Variants in KIF13B observed in about 807,000 individuals in gnomAD.
KIF13B encodes kinesin-like protein KIF13B.
Under a neutral mutation model 222.0 loss-of-function variants are expected in KIF13B, and 127 were observed. The observed-to-expected ratio is 0.57, with a 90% confidence interval of 0.50 to 0.66. KIF13B has a LOEUF of 0.66. Ranked by LOEUF, KIF13B falls within the 30% of genes least tolerant of loss-of-function variation. The pLI, the probability that KIF13B is intolerant of heterozygous loss-of-function variation, is 0.00. For synonymous variants in KIF13B, 976 were observed against 919.0 expected (o/e 1.06, Z -1.12); for missense variants, 2,173 against 2,379.0 (o/e 0.91, Z 1.80).
chr8:29,241,177 G>C (rs1417834886), intron 2 of KIF13B, among the ~76,000 whole-genome samples: 1 of 152,194 alleles, frequency 6.6e-6, no homozygotes, highest in African/African-American at 2.4e-5. Context: ...CTGATGCTAA[G>C]AAGCCAATCA....
intron 2 of KIF13B, among the ~76,000 whole-genome samples, chr8:29,207,580 TC>T (rs1399997201): frequency 6.6e-6 from 1 of 151,912 alleles, no homozygotes; most frequent in Non-Finnish European, 1.5e-5. Context: ...TCTCCCAGTG[TC>T]CTGATACTCA....
intron 14 of KIF13B, among the ~76,000 whole-genome samples, chr8:29,153,609 T>C (rs901920503): frequency 6.6e-6 from 1 of 151,458 alleles, no homozygotes. Context: ...AGATACAGGA[T>C]ATCAAGTACA....
At chr8:29,245,243 A>C (rs1040236210) in intron 2 of KIF13B, 103 bp downstream of exon 2, 4 of 761,298 alleles carry the variant, frequency 5.3e-6, no homozygotes, top group African/African-American at 1.8e-5. Context: ...ATGTCTCTAC[A>C]GGGTAGGCAT....
intron 2 of KIF13B, 37 bp from the exon 3 acceptor site, chr8:29,196,236 A>G (rs1307537372): frequency 1.4e-6 from 2 of 1,467,592 alleles, no homozygotes; most frequent in African/African-American, 1.7e-5. Flanking sequence ...TTGACGTGAA[A>G]GAAAAGTTAA....
intron 1 of KIF13B, among the ~76,000 whole-genome samples, chr8:29,248,471 C>G (rs1354062954): frequency 6.6e-6 from 1 of 152,184 alleles, no homozygotes; most frequent in East Asian, 1.9e-4. Flanking sequence ...CTAGGGAGGC[C>G]TCACAAACAT....
chr8:29,070,442 G>GTCAC lies in KIF13B; in HGVS notation c.*58_*61dup. ...ACCGGGCTCCTGGCTCCTCAGGGCT[G>GTCAC]TCACTGGCAGGGCTCAAAAGGGGCC... is the stretch of plus-strand genomic sequence containing the variant. On this transcript the variant is annotated 3_prime_UTR_variant, in exon 40 of 40. Coordinates refer to ENST00000524189, the MANE Select transcript of KIF13B (RefSeq NM_015254.4). This position sits in a 1 kb window ranked among gnomAD's most constrained non-coding sequence, Gnocchi z 4.1. 1 of 1,577,170 alleles carries GTCAC rather than the reference G, an allele frequency of 6.3e-7. No homozygotes were observed. The highest frequency in any genetic ancestry group is 8.6e-7 in the Non-Finnish European group (1 of 1,160,112).
chr8:29,228,472 A>AAAAAAAAAAAAAAAAATATAT lies in KIF13B; in HGVS notation c.149+16873_149+16874insATATATTTTTTTTTTTTTTTT. Reference sequence around the variant, plus strand: ...ACAGAGCCAGACTCCATCTTAAAAAAATATATATATATATATATGAGATAC... The same window carrying AAAAAAAAAAAAAAAAATATAT: ...ACAGAGCCAGACTCCATCTTAAAAAAAAAAAAAAAAAAAAAATATATATATATATATATATATATGAGATAC... On this transcript the variant is annotated intron_variant, in intron 2 of 39. Coordinates refer to ENST00000524189, the MANE Select transcript of KIF13B (RefSeq NM_015254.4). Among the ~76,000 whole-genome samples, 22 of 117,064 alleles carry AAAAAAAAAAAAAAAAATATAT rather than the reference A, an allele frequency of 1.9e-4. 1 individual carries two copies. The highest frequency in any genetic ancestry group is 2.5e-4 in the Non-Finnish European group (14 of 56,634). The allele number at this position is 117,064 out of a possible 152,430, so 76.8% of individuals were successfully genotyped here.
Position 29,140,131 on chromosome 8 carries a change from C to G in KIF13B, c.2545G>C (p.Ala849Pro). The change falls in exon 21 of 40, where the codon GCA becomes CCA. Residue 849 changes from alanine to proline, a missense_variant. Physicochemically the swap from Ala to Pro is conservative, Grantham distance 27. Transcript: ENST00000524189. ...ACCTCTGCCACCTCATCGCCTCCTG[C>G]GATCCTCTCCCCAACATCACCACTG... is the stretch of plus-strand genomic sequence containing the variant. ...RLSGDVGERI[A>P]GGDEVAEVSF... 6.2e-7 allele frequency: 1 copy of G among 1,613,404 alleles called. No homozygotes were observed. The highest frequency in any genetic ancestry group is 8.5e-7 in the Non-Finnish European group (1 of 1,179,702).
At chr8:29,118,817 G>A in intron 30 of KIF13B, 51 bp downstream of exon 30, 5 of 1,601,300 alleles carry the variant, frequency 3.1e-6, no homozygotes, top group Non-Finnish European at 4.3e-6. Context: ...CTCGAGGAGA[G>A]GTTAAGGAAA....
intron 2 of KIF13B, among the ~76,000 whole-genome samples, chr8:29,205,367 C>G (rs1169884565): frequency 6.6e-6 from 1 of 152,146 alleles, no homozygotes; most frequent in African/African-American, 2.4e-5. Flanking sequence ...ACAGGTAGAT[C>G]TGAACAACTA....
intron 38 of KIF13B, among the ~76,000 whole-genome samples, 166 bp downstream of exon 38, chr8:29,075,115 T>G (rs1182607090): frequency 6.6e-6 from 1 of 152,108 alleles, no homozygotes; most frequent in African/African-American, 2.4e-5. Flanking sequence ...AATAGAAAAG[T>G]ATAACAAGGA....
At chr8:29,165,628 G>T in intron 12 of KIF13B, 34 bp downstream of exon 12, 1 of 1,386,308 alleles carries the variant, frequency 7.2e-7, no homozygotes, top group Non-Finnish European at 1.0e-6. Context: ...ACTGCCATGA[G>T]GTTTCATGCG....
At chr8:29,131,293 C>T (rs563004429) in intron 23 of KIF13B, among the ~76,000 whole-genome samples, 1 of 149,596 alleles carries the variant, frequency 6.7e-6, no homozygotes, top group African/African-American at 2.5e-5. Flanking sequence ...CCCAGGTAAA[C>T]AACCTGCACA....
chr8:29,092,733 G>T lies in KIF13B; in HGVS notation c.4458+12C>A. ...GAAAAACGTTCACAGCTGTTTTCTC[G>T]GTGCTTTTTACCTGGTGTGCGAGGG... On this transcript the variant is annotated intron_variant, in intron 37 of 39. Coordinates refer to ENST00000524189, the MANE Select transcript of KIF13B (RefSeq NM_015254.4). 1 of 1,601,904 alleles carries T rather than the reference G, an allele frequency of 6.2e-7. No individual in the cohort carries two copies.
At position 29,181,959 on chromosome 8, in the gene KIF13B, T is replaced by C; in HGVS notation, c.545A>G (p.Tyr182Cys). Residue 182 changes from tyrosine to cysteine, a missense_variant, in exon 7 of 40, where the codon TAT becomes TGT. This residue lies in a region of KIF13B where 1,480 missense variants were observed against 1,722.8 expected (regional missense o/e 0.86). Transcript: ENST00000524189. ...AGCCAGTTTAGAAAGTCCGTCGACA[T>C]AAGGTCCCAACACACTATGCTCTCT... ...KVREHSVLGP[Y>C]VDGLSKLAVT... 3 of 1,613,702 alleles carry C rather than the reference T, an allele frequency of 1.9e-6. No individual in the cohort carries two copies. Among genetic ancestry groups the C allele is most frequent in the Non-Finnish European group, 2.5e-6 (3 of 1,179,720 alleles).
chr8:29,091,703 T>TGGGAAAAATAATC (rs1299440360), intron 37 of KIF13B, among the ~76,000 whole-genome samples: 1 of 152,202 alleles, frequency 6.6e-6, no homozygotes, highest in Non-Finnish European at 1.5e-5. Flanking sequence ...AAAAAAGCAC[T>TGGGAAAAATAATC]GGGAAAAATA....
chr8:29,241,706 G>GAAA (rs75531371), intron 2 of KIF13B, among the ~76,000 whole-genome samples: 1 of 96,680 alleles, frequency 1.0e-5, no homozygotes, highest in Non-Finnish European at 2.4e-5. Context: ...GCAAGGGAGG[G>GAAA]AAAAAAAAAA....
In KIF13B at chr8:29,117,001, C is replaced by A; in HGVS notation, c.3667G>T (p.Ala1223Ser). The change falls in exon 31 of 40, where the codon GCA (alanine) becomes TCA (serine). Residue 1223 changes from alanine to serine, a missense_variant. This residue lies in a region of KIF13B where 1,480 missense variants were observed against 1,722.8 expected (regional missense o/e 0.86). Coordinates refer to ENST00000524189, the MANE Select transcript of KIF13B (RefSeq NM_015254.4). ...ACCGCGGAGTCCCAGGAGGCTTCTG[C>A]TTTCACCTGGAGAGAAGACAGAGAG... ...IVKQHDGEVK[A>S]EASWDSAVHG... 1 of 1,575,104 alleles carries A rather than the reference C, an allele frequency of 6.3e-7. No individual in the cohort carries two copies. The highest frequency in any genetic ancestry group is 2.3e-5 in the East Asian group (1 of 43,542).
chr8:29,112,601 C>T (rs771020849), intron 32 of KIF13B, among the ~76,000 whole-genome samples: 11 of 152,154 alleles, frequency 7.2e-5, no homozygotes, highest in Non-Finnish European at 1.2e-4. Context: ...CTCACACCCC[C>T]ACTTCTCCAA....
Sources: gnomAD v4.1 joint callset for allele counts (sites outside exome capture counted in the v4.1 genomes callset) on GRCh38, gnomAD v4.1.1 for gene constraint, gnomAD v4.1.1 regional missense constraint, Gnocchi (gnomAD v3.1) non-coding constraint, MANE v1.5 for transcripts, NCBI Gene and HGNC (gene_info 2026-07-23, HGNC 2026-07-21) for gene names.